Variants in ZDHHC21 observed in about 807,000 individuals in gnomAD.
ZDHHC21 encodes zDHHC palmitoyltransferase 21.
Under a neutral mutation model 34.6 loss-of-function variants are expected in ZDHHC21, and 15 were observed. The observed-to-expected ratio is 0.43, with a 90% CI of 0.29 to 0.67. The LOEUF is 0.67. ZDHHC21 is among the 30% of genes least tolerant of loss of function. The probability of loss-of-function intolerance (pLI) is 0.14; values close to 1 mark genes in which losing one functional copy is unlikely to be tolerated. For synonymous variants in ZDHHC21, 142 were observed against 101.8 expected, an observed-to-expected ratio of 1.40 and a Z score of -2.38; for missense variants, 344 against 327.7, an observed-to-expected ratio of 1.05 and a Z score of -0.38.
In ZDHHC21 at chr9:14,633,871, T is replaced by C. The variant is rs1037688544; in HGVS notation, c.621+6025A>G. The stretch of plus-strand genomic sequence containing the variant: ...CTGAAAGCAACCCCGTCCTCCCCAG[T>C]AGCAGGGCTGCAATGGATGCCATCC... On this transcript the variant is annotated intron_variant, in intron 8 of 9. Transcript: ENST00000380916. Among the ~76,000 whole-genome samples the C allele has an allele frequency of 2.1e-4, 32 of 152,234 alleles. 1 individual carries two copies. The highest frequency in any genetic ancestry group is 3.4e-3 in the Middle Eastern group (1 of 294).
chr9:14,685,496 A>G (rs1838164152), intron 2 of ZDHHC21, among the ~76,000 whole-genome samples: 1 of 151,900 alleles, frequency 6.6e-6, no homozygotes, highest in Non-Finnish European at 1.5e-5. Context: ...AATCAAAACC[A>G]CAATGACATA....
At chr9:14,657,750 C>T (rs976150964) in intron 7 of ZDHHC21, among the ~76,000 whole-genome samples, 1 of 152,092 alleles carries the variant, frequency 6.6e-6, no homozygotes, top group South Asian at 2.1e-4. Context: ...TACCTCTTAG[C>T]CTGTCTTTGT....
intron 7 of ZDHHC21, among the ~76,000 whole-genome samples, chr9:14,655,117 T>C (rs759490363): frequency 6.6e-6 from 1 of 151,894 alleles, no homozygotes; most frequent in Non-Finnish European, 1.5e-5. Flanking sequence ...TAAAAACAGC[T>C]AAAGAAAAAC....
chr9:14,693,008 G>A (rs1032778004), intron 1 of ZDHHC21, among the ~76,000 whole-genome samples: 23 of 152,032 alleles, frequency 1.5e-4, no homozygotes, highest in Admixed American at 7.2e-4. Context: ...AGCAGAAGAC[G>A]CTCTGAAAAA....
At chr9:14,656,618 TACA>T (rs1206059409) in intron 7 of ZDHHC21, among the ~76,000 whole-genome samples, 8 of 151,896 alleles carry the variant, frequency 5.3e-5, no homozygotes, top group Admixed American at 3.9e-4. Context: ...CACCGCTTGA[TACA>T]ACAAGGAAAC....
At position 14,617,474 on chromosome 9, in the gene ZDHHC21, T is replaced by A. The variant is rs1484746457; in HGVS notation, c.*1492A>T. 1 of 152,038 alleles carries A rather than the reference T, an allele frequency of 6.6e-6. No individual in the cohort carries two copies. The highest frequency in any genetic ancestry group is 1.5e-5 in the Non-Finnish European group (1 of 67,940). 9.4% of individuals were successfully genotyped at this position (152,038 alleles called of 1,614,324 possible). A position where few individuals can be genotyped will look rare whatever the true frequency, so the allele number is the denominator to read the frequency against. On this transcript the variant is annotated 3_prime_UTR_variant, in exon 10 of 10. Transcript: ENST00000380916. ...CAACTGGCTGACAATGGTAACCTTC[T>A]GTTTAATTATTTCCCAGGTATTGTT... is the stretch of plus-strand genomic sequence containing the variant.
At chr9:14,647,484 A>T (rs1235202840) in intron 7 of ZDHHC21, among the ~76,000 whole-genome samples, 2 of 152,110 alleles carry the variant, frequency 1.3e-5, no homozygotes, top group African/African-American at 4.8e-5. Flanking sequence ...AATTTCAAGT[A>T]TGTCACCTTA....
intron 8 of ZDHHC21, among the ~76,000 whole-genome samples, chr9:14,635,811 AGATCGCAATGCTGCACTCTAGC>A (rs1727232377): frequency 1.3e-5 from 2 of 152,142 alleles, no homozygotes; most frequent in South Asian, 4.1e-4. Context: ...CAGTGAGCCG[AGATCGCAATGCTGCACTCTAGC>A]CTAGGCAATA....
the ZDHHC21 span, among the ~76,000 whole-genome samples, chr9:14,600,994 A>G: frequency 2.0e-5 from 3 of 152,228 alleles, no homozygotes; most frequent in African/African-American, 7.2e-5. Flanking sequence ...TATACAAAAA[A>G]TTAACTCAAG....
chr9:14,652,168 A>T (rs1331573779), intron 7 of ZDHHC21, among the ~76,000 whole-genome samples: 1 of 151,978 alleles, frequency 6.6e-6, no homozygotes, highest in African/African-American at 2.4e-5. Flanking sequence ...AAACAAAACT[A>T]TTACTCAAGT....
At chr9:14,670,280 TAGAG>T (rs1339153128) in intron 5 of ZDHHC21, among the ~76,000 whole-genome samples, 2 of 152,130 alleles carry the variant, frequency 1.3e-5, no homozygotes, top group Non-Finnish European at 2.9e-5. Context: ...TGGCAATAGT[TAGAG>T]AAAGCCTACA....
In ZDHHC21 at chr9:14,640,026, G is replaced by T. The variant is rs770640825; in HGVS notation, c.505-14C>A. 4.5e-6 allele frequency: 7 copies of T among 1,546,486 alleles called. No individual in the cohort carries two copies. Among genetic ancestry groups the T allele is most frequent in the South Asian group, 1.2e-5 (1 of 85,818 alleles). ...AACAAAGAGGTCCTAAAAAGAAAAAGAAAGTCTTAAAAACCATTCAGAGTT... is the reference window on the plus strand; with the variant it reads ...AACAAAGAGGTCCTAAAAAGAAAAATAAAGTCTTAAAAACCATTCAGAGTT... On this transcript the variant is annotated splice_polypyrimidine_tract_variant and intron_variant, in intron 7 of 9. Coordinates refer to ENST00000380916, the MANE Select transcript of ZDHHC21 (RefSeq NM_178566.6).
chr9:14,604,148 A>G, the ZDHHC21 span, among the ~76,000 whole-genome samples: 1 of 152,148 alleles, frequency 6.6e-6, no homozygotes. Flanking sequence ...GAAACAATAT[A>G]TATGTTGGTT....
chr9:14,686,912 G>A (rs1325501852), intron 2 of ZDHHC21, among the ~76,000 whole-genome samples: 1 of 149,842 alleles, frequency 6.7e-6, no homozygotes, highest in Admixed American at 6.6e-5. Context: ...GGCAGAGGTT[G>A]CAGTGAGCAG....
At chr9:14,603,049 A>G in the ZDHHC21 span, among the ~76,000 whole-genome samples, 3 of 150,688 alleles carry the variant, frequency 2.0e-5, no homozygotes, top group African/African-American at 7.3e-5. Context: ...GTGGGAGTTG[A>G]GGGGGAGCAG....
At chr9:14,664,459 C>A (rs979590659) in intron 5 of ZDHHC21, among the ~76,000 whole-genome samples, 9 of 151,716 alleles carry the variant, frequency 5.9e-5, no homozygotes, top group South Asian at 2.1e-4. Context: ...CCCAGGCTTG[C>A]TTAGGTAGAC....
chr9:14,692,027 C>G (rs981438630), intron 1 of ZDHHC21, among the ~76,000 whole-genome samples: 1 of 152,180 alleles, frequency 6.6e-6, no homozygotes, highest in East Asian at 1.9e-4. Context: ...GGACTAGAAT[C>G]TAGTTTTTCT....
chr9:14,601,490 G>A, the ZDHHC21 span, among the ~76,000 whole-genome samples: 6 of 152,120 alleles, frequency 3.9e-5, no homozygotes, highest in Non-Finnish European at 8.8e-5. Flanking sequence ...AAAAAGTCAG[G>A]AAACAACAGA....
chr9:14,631,965 C>T (rs952492610), intron 8 of ZDHHC21, among the ~76,000 whole-genome samples: 1 of 151,906 alleles, frequency 6.6e-6, no homozygotes, highest in Non-Finnish European at 1.5e-5. Context: ...AACTGTGGCA[C>T]AGAAACAACA....
Sources: gnomAD v4.1 joint callset for allele counts (sites outside exome capture counted in the v4.1 genomes callset) on GRCh38, gnomAD v4.1.1 for gene constraint, MANE v1.5 for transcripts, NCBI Gene and HGNC (gene_info 2026-07-23, HGNC 2026-07-21) for gene names.